RANGAP1: variants seen among roughly 807,000 people sequenced by gnomAD.
RANGAP1 encodes the protein ran GTPase-activating protein 1.
RANGAP1 carries 38 observed loss-of-function variants against 63.5 expected under a neutral mutation model. The observed-to-expected ratio is 0.60, with a 90% CI of 0.46 to 0.78. The LOEUF is 0.78. RANGAP1 is among the 30% of genes least tolerant of loss of function. The pLI, the probability that RANGAP1 is intolerant of heterozygous loss-of-function variation, is 0.00. For missense variants in RANGAP1, 630 were observed against 740.3 expected, an observed-to-expected ratio of 0.85 and a Z score of 1.73; for synonymous variants, 329 against 310.5, an observed-to-expected ratio of 1.06 and a Z score of -0.63.
At chr22:41,281,273 A>G (rs2035477386) in intron 1 of RANGAP1, 191 bp from the exon 2 acceptor site, 1 of 797,694 alleles carries the variant, frequency 1.3e-6, no homozygotes, top group Non-Finnish European at 1.7e-6. Context: ...GGAGGTAGTA[A>G]AAGAACAGAA....
rs2033704296 is a variant in RANGAP1 at position 41,254,666 on chromosome 22, G to T, written c.1074-172C>A. 9.2e-6 allele frequency: 9 copies of T among 983,584 alleles called. No homozygotes were observed. In the South Asian group the frequency reaches 3.8e-4, roughly 41 times the overall value. The allele number at this position is 983,584 out of a possible 1,614,324, so 60.9% of individuals were successfully genotyped here. A position where few individuals can be genotyped will look rare whatever the true frequency, so the allele number is the denominator to read the frequency against. On this transcript the variant is annotated intron_variant, in intron 10 of 15. Transcript: ENST00000356244. ...CAGGTGGATCACCAGGGAAATCCATGCTGTGGACACAAAAAAATAAGATCG... is the reference window on the plus strand; with the variant it reads ...CAGGTGGATCACCAGGGAAATCCATTCTGTGGACACAAAAAAATAAGATCG...
intron 2 of RANGAP1, chr22:41,277,643 A>G: frequency 4.2e-6 from 2 of 473,868 alleles, no homozygotes; most frequent in Non-Finnish European, 6.3e-6. Flanking sequence ...AAGTTGTCCA[A>G]GGTGGGTCCA....
chr22:41,291,770 G>A, the RANGAP1 span, among the ~76,000 whole-genome samples: 1 of 148,594 alleles, frequency 6.7e-6, no homozygotes, highest in Non-Finnish European at 1.5e-5. Context: ...GCGTGATGGC[G>A]GGCATCTGTA....
At chr22:41,274,029 G>A (rs2034996164) in intron 3 of RANGAP1, among the ~76,000 whole-genome samples, 1 of 152,206 alleles carries the variant, frequency 6.6e-6, no homozygotes, top group Non-Finnish European at 1.5e-5. Context: ...AGTGAGCTGA[G>A]ATTGCGCCAC....
chr22:41,300,709 G>A, the RANGAP1 span, among the ~76,000 whole-genome samples: 23 of 151,632 alleles, frequency 1.5e-4, no homozygotes, highest in African/African-American at 5.6e-4. Flanking sequence ...GACCTCAGGT[G>A]ATCCACCCGT....
At chr22:41,288,391 G>T (rs1203710173), upstream of RANGAP1, among the ~76,000 whole-genome samples, 1 of 152,196 alleles carries the variant, frequency 6.6e-6, no homozygotes, top group African/African-American at 2.4e-5. Flanking sequence ...CATCTGGGCA[G>T]TATCTTCTCT....
At chr22:41,289,182 GT>G (rs1299438630), upstream of RANGAP1, among the ~76,000 whole-genome samples, 1 of 151,884 alleles carries the variant, frequency 6.6e-6, no homozygotes, top group Non-Finnish European at 1.5e-5. Context: ...GCCTCCCAAA[GT>G]GCTGGGAGTA....
intron 2 of RANGAP1, among the ~76,000 whole-genome samples, chr22:41,280,080 CAG>C (rs1483959018): frequency 6.6e-6 from 1 of 151,746 alleles, no homozygotes; most frequent in Non-Finnish European, 1.5e-5. Flanking sequence ...GCCTGGGTGA[CAG>C]AGACTCCATC....
chr22:41,267,436 G>A (rs1601658019), intron 4 of RANGAP1, among the ~76,000 whole-genome samples: 1 of 152,144 alleles, frequency 6.6e-6, no homozygotes, highest in Non-Finnish European at 1.5e-5. Flanking sequence ...CACCCTCAGG[G>A]CCTGCCGTGT....
At chr22:41,272,074 C>T (rs2034870405) in intron 3 of RANGAP1, among the ~76,000 whole-genome samples, 1 of 152,224 alleles carries the variant, frequency 6.6e-6, no homozygotes, top group Non-Finnish European at 1.5e-5. Context: ...TATAAGAGCC[C>T]AGCCTCAGAG....
chr22:41,261,717 C>A, intron 5 of RANGAP1, 137 bp from the exon 6 acceptor site: 2 of 975,104 alleles, frequency 2.1e-6, no homozygotes, highest in Admixed American at 2.5e-5. Context: ...CTGCTAACAG[C>A]TCAACAGTCA....
At chr22:41,295,278 A>G in the RANGAP1 span, among the ~76,000 whole-genome samples, 1 of 151,490 alleles carries the variant, frequency 6.6e-6, no homozygotes, top group African/African-American at 2.4e-5. Context: ...TGGGGAAAAG[A>G]TTGAGAAATC....
chr22:41,250,752 A>G (rs2033387181), intron 13 of RANGAP1, among the ~76,000 whole-genome samples: 1 of 151,836 alleles, frequency 6.6e-6, no homozygotes, highest in Non-Finnish European at 1.5e-5. Context: ...GACTTCCTAG[A>G]GCGGGCTATG....
At position 41,256,802 on chromosome 22, in the gene RANGAP1, A is replaced by G; in HGVS notation, c.797T>C (p.Val266Ala). 1.9e-6 allele frequency: 3 copies of G among 1,587,812 alleles called. No homozygotes were observed. The highest frequency in any genetic ancestry group is 2.6e-6 in the Non-Finnish European group (3 of 1,167,768). Residue 266 changes from valine to alanine, a missense_variant, in exon 8 of 16, where the codon GTG becomes GCG. Transcript: ENST00000356244. ...GCAGTCCCCAAAATTAATCACCTCC[A>G]CCTGCCGCAAGGTCTTCAAGGTCTG... ...MAETLKTLRQ[V>A]EVINFGDCLV...
intron 3 of RANGAP1, 31 bp from the exon 4 acceptor site, chr22:41,268,187 G>A: frequency 6.7e-7 from 1 of 1,501,000 alleles, no homozygotes; most frequent in Non-Finnish European, 9.1e-7. Flanking sequence ...GAGTTAGCGG[G>A]AGAGAGACCC....
intron 1 of RANGAP1, among the ~76,000 whole-genome samples, chr22:41,282,843 A>C (rs1235861386): frequency 6.6e-6 from 1 of 152,182 alleles, no homozygotes; most frequent in Non-Finnish European, 1.5e-5. Context: ...GCTCCAAAAA[A>C]AGAAAAGAAA....
the RANGAP1 span, among the ~76,000 whole-genome samples, chr22:41,295,171 C>G: frequency 6.6e-6 from 1 of 150,744 alleles, no homozygotes; most frequent in African/African-American, 2.5e-5. Flanking sequence ...AGCCCCTCTG[C>G]CCGGCCACCA....
At chr22:41,271,984 G>C (rs1020143401) in intron 3 of RANGAP1, among the ~76,000 whole-genome samples, 3 of 152,204 alleles carry the variant, frequency 2.0e-5, no homozygotes, top group African/African-American at 7.2e-5. Context: ...CAGGCGGGAA[G>C]GTGCATGCAG....
At chr22:41,274,389 C>T (rs1426385390) in intron 3 of RANGAP1, among the ~76,000 whole-genome samples, 4 of 152,234 alleles carry the variant, frequency 2.6e-5, no homozygotes, top group African/African-American at 7.2e-5. Flanking sequence ...AATCCTCCTG[C>T]ACCCCAACAC....
Sources: allele counts gnomAD v4.1 joint callset (sites outside exome capture counted in the v4.1 genomes callset), GRCh38; gene constraint gnomAD v4.1.1; transcripts MANE v1.5; gene names NCBI Gene and HGNC (gene_info 2026-07-23, HGNC 2026-07-21).